SLC4A1AP: variants seen among roughly 807,000 people sequenced by gnomAD.
SLC4A1AP encodes the protein solute carrier family 4 member 1 adaptor protein, also known as kanadaptin.
SLC4A1AP carries 64 observed loss-of-function variants against 89.7 expected under a neutral mutation model. The ratio of observed to expected loss-of-function variants is 0.71; its 90% CI spans 0.58 to 0.88. The LOEUF (loss-of-function observed/expected upper bound fraction) is 0.88, where lower values mean the gene tolerates loss of function less well. Ranked by LOEUF, SLC4A1AP falls within the 40% of genes least tolerant of loss-of-function variation. The probability of loss-of-function intolerance (pLI) is 0.00; values close to 1 mark genes in which losing one functional copy is unlikely to be tolerated. For missense variants in SLC4A1AP, 931 were observed against 965.0 expected (o/e 0.96, Z 0.47); for synonymous variants, 366 against 353.3 (o/e 1.04, Z -0.40).
At chr2:27,691,451 AATGATCT>A (rs1675785719) in intron 12 of SLC4A1AP, 1 of 152,060 alleles carries the variant, frequency 6.6e-6, no homozygotes, top group East Asian at 1.9e-4. Context: ...TAATCTAGCT[AATGATCT>A]ATGAATTTAG....
intron 8 of SLC4A1AP, among the ~76,000 whole-genome samples, chr2:27,680,748 CAAACAAAAACA>C (rs1675605512): frequency 6.9e-6 from 1 of 145,420 alleles, no homozygotes; most frequent in Admixed American, 6.9e-5. Context: ...AACAAACAAA[CAAACAAAAACA>C]AAACAAAAAC....
intron 8 of SLC4A1AP, among the ~76,000 whole-genome samples, chr2:27,678,231 A>C (rs1675555977): frequency 6.6e-6 from 1 of 152,200 alleles, no homozygotes; most frequent in Admixed American, 6.5e-5. Flanking sequence ...ATGCACAAAA[A>C]GCTAATTTAT....
At chr2:27,687,349 G>A (rs1208368895) in intron 10 of SLC4A1AP, among the ~76,000 whole-genome samples, 4 of 151,954 alleles carry the variant, frequency 2.6e-5, no homozygotes, top group Admixed American at 2.6e-4. Flanking sequence ...TTGGGAGGCC[G>A]AAGTAGGAGA....
chr2:27,669,132 G>T, intron 4 of SLC4A1AP, 116 bp from the exon 5 acceptor site: 1 of 1,175,000 alleles, frequency 8.5e-7, no homozygotes, highest in Non-Finnish European at 1.2e-6. Flanking sequence ...GAACAAGATG[G>T]ATTCAAAGAC....
At position 27,677,292 on chromosome 2, in the gene SLC4A1AP, C is replaced by A; in HGVS notation, c.1507-3C>A. On this transcript the variant is annotated splice_polypyrimidine_tract_variant and splice_region_variant and intron_variant, in intron 6 of 13. Transcript: ENST00000613058. The stretch of plus-strand genomic sequence containing the variant: ...TGTAACCCTGTTGATTTGGGTGTTA[C>A]AGGTTGCAAAATTAAATGATGCTGA... The A allele has an allele frequency of 6.2e-7, 1 of 1,605,246 alleles. No individual in the cohort carries two copies.
intron 3 of SLC4A1AP, among the ~76,000 whole-genome samples, 177 bp downstream of exon 3, chr2:27,667,567 A>C (rs1216955423): frequency 1.3e-5 from 2 of 152,132 alleles, no homozygotes; most frequent in Non-Finnish European, 2.9e-5. Flanking sequence ...ATTCCTCATT[A>C]GTATGGCAGA....
rs1458375618 is a variant in SLC4A1AP, at chr2:27,669,809, G to C, written c.1345+422G>C. 2.6e-5 allele frequency among the ~76,000 whole-genome samples: 4 copies of C among 152,200 alleles called. No individual in the cohort carries two copies. The East Asian group carries it at 7.7e-4, about 29-fold the overall frequency. Reference sequence around the variant, plus strand: ...AGGTTCAAGCCATCCTCCTGCCTCAGCTTCCCTAGTAGCTGGGTCTATAGG... The same window carrying C: ...AGGTTCAAGCCATCCTCCTGCCTCACCTTCCCTAGTAGCTGGGTCTATAGG... On this transcript the variant is annotated intron_variant, in intron 5 of 13. Transcript: ENST00000613058.
chr2:27,671,194 T>A (rs1675423534), intron 5 of SLC4A1AP, among the ~76,000 whole-genome samples: 1 of 152,136 alleles, frequency 6.6e-6, no homozygotes, highest in South Asian at 2.1e-4. Flanking sequence ...GTGCTGGGAT[T>A]ACAGGCGTGA....
At chr2:27,671,530 A>G (rs1043838251) in intron 5 of SLC4A1AP, among the ~76,000 whole-genome samples, 1 of 152,156 alleles carries the variant, frequency 6.6e-6, no homozygotes, top group Non-Finnish European at 1.5e-5. Context: ...TTTTGGAGAC[A>G]CTTTTTCTGA....
chr2:27,670,662 C>T (rs185760631), intron 5 of SLC4A1AP, among the ~76,000 whole-genome samples: 3,964 of 151,536 alleles, frequency 0.026, 166 homozygotes, highest in African/African-American at 0.092. Flanking sequence ...CGAGACCATC[C>T]TGGCTAACAC....
chr2:27,672,829 G>T (rs1473438579), intron 5 of SLC4A1AP, among the ~76,000 whole-genome samples: 1 of 152,182 alleles, frequency 6.6e-6, no homozygotes, highest in African/African-American at 2.4e-5. Context: ...CTGTGAGCGA[G>T]ATTCCCCAGA....
intron 5 of SLC4A1AP, 76 bp from the exon 6 acceptor site, chr2:27,675,456 T>C: frequency 2.0e-6 from 2 of 1,019,242 alleles, no homozygotes; most frequent in East Asian, 5.3e-5. Context: ...CATTTTAAGC[T>C]CCTTGCCTAC....
intron 12 of SLC4A1AP, among the ~76,000 whole-genome samples, chr2:27,690,814 A>T (rs569387967): frequency 9.9e-5 from 15 of 152,196 alleles, no homozygotes; most frequent in African/African-American, 3.1e-4. Context: ...TGTTGCTGTG[A>T]TGTATCATAT....
chr2:27,669,136 C>A, intron 4 of SLC4A1AP, 112 bp from the exon 5 acceptor site: 1 of 1,207,916 alleles, frequency 8.3e-7, no homozygotes, highest in South Asian at 1.5e-5. Context: ...AAGATGGATT[C>A]AAAGACTGAA....
At chr2:27,679,939 C>G (rs879297054) in intron 8 of SLC4A1AP, among the ~76,000 whole-genome samples, 5 of 152,124 alleles carry the variant, frequency 3.3e-5, no homozygotes, top group Admixed American at 3.3e-4. Flanking sequence ...GGAGAAGAAG[C>G]TGGGCTAAGA....
chr2:27,678,165 C>A (rs1377735904), intron 8 of SLC4A1AP, among the ~76,000 whole-genome samples: 1 of 152,124 alleles, frequency 6.6e-6, no homozygotes, highest in African/African-American at 2.4e-5. Context: ...TTGGAAGGTT[C>A]CGAAGTTTTT....
intron 7 of SLC4A1AP, 122 bp from the exon 8 acceptor site, chr2:27,677,616 C>T (rs1460093627): frequency 5.1e-6 from 4 of 788,766 alleles, no homozygotes; most frequent in Non-Finnish European, 8.0e-6. Context: ...GTTCCTTATT[C>T]CTATTACTAG....
exon 6 of SLC4A1AP, chr2:27,675,568 A>C (rs1270462821): frequency 5.6e-6 from 9 of 1,602,226 alleles, no homozygotes; most frequent in Non-Finnish European, 7.7e-6. Flanking sequence ...TGGGAAGATG[A>C]AGACTTTTAT....
intron 8 of SLC4A1AP, among the ~76,000 whole-genome samples, chr2:27,678,349 A>G (rs999574856): frequency 3.9e-5 from 6 of 152,110 alleles, no homozygotes; most frequent in African/African-American, 1.4e-4. Context: ...CCTGGGTGAT[A>G]TGGCACAACC....
Sources: allele counts gnomAD v4.1 joint callset (sites outside exome capture counted in the v4.1 genomes callset), GRCh38; gene constraint gnomAD v4.1.1; transcripts MANE v1.5; gene names NCBI Gene and HGNC (gene_info 2026-07-23, HGNC 2026-07-21).